RGS6: variants seen among roughly 807,000 people sequenced by gnomAD.
RGS6 encodes regulator of G-protein signaling 6.
A neutral mutation model predicts 78.5 loss-of-function variants in RGS6; 30 were observed. That is an observed-to-expected ratio of 0.38 (90% CI 0.29 to 0.52). The LOEUF (loss-of-function observed/expected upper bound fraction) is 0.52, where lower values mean the gene tolerates loss of function less well. Among genes scored for constraint, RGS6 ranks in the 20% least tolerant of loss-of-function variants. The pLI is 0.85. For missense variants in RGS6, 495 were observed against 609.7 expected (o/e 0.81, Z 1.98); for synonymous variants, 206 against 206.0 (o/e 1.00, Z 0.00).
intron 17 of RGS6, among the ~76,000 whole-genome samples, chr14:72,551,822 G>A (rs2097511045): frequency 6.6e-6 from 1 of 152,224 alleles, no homozygotes; most frequent in African/African-American, 2.4e-5. Flanking sequence ...GGCTTTGCCT[G>A]GGATGGACTT....
upstream of RGS6, among the ~76,000 whole-genome samples, chr14:71,932,257 G>A (rs1262578044): frequency 6.6e-6 from 1 of 151,830 alleles, no homozygotes; most frequent in Non-Finnish European, 1.5e-5. Flanking sequence ...CGGCGCCCGC[G>A]GGACGCGCTC....
chr14:72,063,560 G>T (rs2093994587), intron 2 of RGS6, among the ~76,000 whole-genome samples: 1 of 152,280 alleles, frequency 6.6e-6, no homozygotes, highest in Non-Finnish European at 1.5e-5. Context: ...AGGGAGGATA[G>T]CTATTTAGGA....
intron 17 of RGS6, among the ~76,000 whole-genome samples, chr14:72,550,082 C>T (rs1322119897): frequency 2.6e-5 from 4 of 152,266 alleles, no homozygotes; most frequent in East Asian, 3.9e-4. Context: ...GCTTTCAACT[C>T]ATCGTGGGAT....
Position 72,347,122 on chromosome 14 carries a change from C to T in RGS6, c.85-4973C>T, listed in dbSNP as rs548120731. 5.9e-5 allele frequency among the ~76,000 whole-genome samples: 9 copies of T among 152,324 alleles called. No individual in the cohort carries two copies. In the South Asian group the frequency reaches 1.9e-3, roughly 32 times the overall value. On this transcript the variant is annotated intron_variant, in intron 2 of 17. Transcript: ENST00000553525. ...CTGCTTATTGATTGGCACAGTGACG[C>T]TTAAGTCCAAACATCCTCCCTAATG... is the stretch of plus-strand genomic sequence containing the variant.
intron 17 of RGS6, among the ~76,000 whole-genome samples, chr14:72,542,181 G>T (rs1039701654): frequency 2.0e-5 from 3 of 152,134 alleles, no homozygotes; most frequent in African/African-American, 7.2e-5. Context: ...TCAGAATTTG[G>T]GGTTCCAGTG....
chr14:72,183,610 G>A (rs1015372284), intron 2 of RGS6, among the ~76,000 whole-genome samples: 1 of 152,144 alleles, frequency 6.6e-6, no homozygotes, highest in Non-Finnish European at 1.5e-5. Context: ...ACAGCAGGGG[G>A]ACATTGTCTT....
intron 2 of RGS6, among the ~76,000 whole-genome samples, chr14:72,045,908 C>T (rs1430113480): frequency 1.3e-5 from 2 of 152,022 alleles, no homozygotes; most frequent in Non-Finnish European, 2.9e-5. Flanking sequence ...TCCCCCCACG[C>T]CCCCGCACCC....
chr14:71,918,177 C>A, the RGS6 span, among the ~76,000 whole-genome samples: 1 of 80,268 alleles, frequency 1.2e-5, no homozygotes, highest in Non-Finnish European at 2.3e-5. Flanking sequence ...GAGCAAGACT[C>A]CAGTCTCAAA....
chr14:72,547,285 A>G, intron 17 of RGS6: 3 of 1,535,488 alleles, frequency 2.0e-6, no homozygotes, highest in Non-Finnish European at 2.6e-6. Flanking sequence ...AGGAGAGGAG[A>G]CCCAACTCTG....
chr14:72,435,189 T>G (rs541850133), intron 3 of RGS6, among the ~76,000 whole-genome samples: 3 of 152,350 alleles, frequency 2.0e-5, no homozygotes, highest in African/African-American at 7.2e-5. Flanking sequence ...TTCTGAAGTT[T>G]TTTATGCTAA....
chr14:72,163,812 G>A (rs1432994128), intron 2 of RGS6, among the ~76,000 whole-genome samples: 1 of 151,714 alleles, frequency 6.6e-6, no homozygotes, highest in Non-Finnish European at 1.5e-5. Context: ...GAATCTGGGA[G>A]GCAATGGTTG....
At chr14:72,089,906 G>T (rs2095204189) in intron 2 of RGS6, among the ~76,000 whole-genome samples, 1 of 152,018 alleles carries the variant, frequency 6.6e-6, no homozygotes. Context: ...CCTACACCAG[G>T]GTGCCAACTC....
At chr14:72,568,620 G>A (rs2097716783), downstream of RGS6, among the ~76,000 whole-genome samples, 1 of 152,228 alleles carries the variant, frequency 6.6e-6, no homozygotes, top group South Asian at 2.1e-4. Flanking sequence ...CTGAGAAACA[G>A]CAGAGTGGCG....
chr14:72,255,963 T>A (rs1479112531), intron 2 of RGS6, among the ~76,000 whole-genome samples: 1 of 152,218 alleles, frequency 6.6e-6, no homozygotes, highest in African/African-American at 2.4e-5. Context: ...ACGTGCAACT[T>A]CTTTGAACGC....
chr14:72,440,705 G>A (rs776251072), intron 3 of RGS6, among the ~76,000 whole-genome samples: 10 of 152,114 alleles, frequency 6.6e-5, no homozygotes, highest in South Asian at 2.1e-4. Flanking sequence ...GAACCACCGC[G>A]CCTGGTGAGC....
the RGS6 span, among the ~76,000 whole-genome samples, chr14:71,919,247 G>A: frequency 6.6e-6 from 1 of 152,168 alleles, no homozygotes; most frequent in Non-Finnish European, 1.5e-5. Flanking sequence ...GTTTTCCACA[G>A]TAAGTGCCCG....
At chr14:72,272,835 C>T (rs1457267042) in intron 2 of RGS6, among the ~76,000 whole-genome samples, 1 of 152,198 alleles carries the variant, frequency 6.6e-6, no homozygotes, top group African/African-American at 2.4e-5. Flanking sequence ...GACTTGGAGA[C>T]CAGGTGCAAT....
chr14:72,335,840 G>T (rs1172809181), intron 2 of RGS6, among the ~76,000 whole-genome samples: 2 of 152,176 alleles, frequency 1.3e-5, no homozygotes, highest in Non-Finnish European at 2.9e-5. Flanking sequence ...TATTCGGGAA[G>T]AAGATCTAAT....
chr14:72,229,841 C>T (rs2049100220), intron 2 of RGS6, among the ~76,000 whole-genome samples: 1 of 152,170 alleles, frequency 6.6e-6, no homozygotes, highest in Non-Finnish European at 1.5e-5. Context: ...GTTTATATGG[C>T]CATTGGCAGA....
Sources: allele counts gnomAD v4.1 joint callset (sites outside exome capture counted in the v4.1 genomes callset), GRCh38; gene constraint gnomAD v4.1.1; transcripts MANE v1.5; gene names NCBI Gene and HGNC (gene_info 2026-07-23, HGNC 2026-07-21).